TBL1XR1: variants seen among roughly 807,000 people sequenced by gnomAD.
The protein encoded by TBL1XR1 is F-box-like/WD repeat-containing protein TBL1XR1.
A neutral mutation model predicts 66.9 loss-of-function variants in TBL1XR1; 5 were observed. The observed-to-expected ratio is 0.07, with a 90% CI of 0.04 to 0.16. TBL1XR1 has a LOEUF of 0.16. TBL1XR1 is among the 10% of genes least tolerant of loss of function. TBL1XR1 has a pLI of 1.00. For synonymous variants in TBL1XR1, 210 were observed against 206.0 expected, an observed-to-expected ratio of 1.02 and a Z score of -0.17; for missense variants, 238 against 623.2, an observed-to-expected ratio of 0.38 and a Z score of 6.58.
chr3:177,112,107 A>ATATATATATATATAT, intron 1 of TBL1XR1, among the ~76,000 whole-genome samples: 1 of 37,654 alleles, frequency 2.7e-5, no homozygotes, highest in African/African-American at 1.3e-4. Context: ...ATATATATAT[A>ATATATATATATATAT]TTTTTTTTTT....
intron 1 of TBL1XR1, among the ~76,000 whole-genome samples, chr3:177,188,151 C>T (rs957525859): frequency 2.0e-5 from 3 of 151,786 alleles, no homozygotes; most frequent in Non-Finnish European, 4.4e-5. Flanking sequence ...AGGCTGGTCT[C>T]GAACTCCTGA....
chr3:177,190,748 A>G (rs1220034026), intron 1 of TBL1XR1, among the ~76,000 whole-genome samples: 2 of 152,224 alleles, frequency 1.3e-5, no homozygotes, highest in Non-Finnish European at 2.9e-5. Flanking sequence ...ACTCAAAAAG[A>G]AGATGCTGCC....
intron 1 of TBL1XR1, among the ~76,000 whole-genome samples, chr3:177,176,506 T>TA (rs1341049397): frequency 1.3e-5 from 2 of 150,938 alleles, no homozygotes; most frequent in African/African-American, 4.9e-5. Context: ...TCTTAAATGC[T>TA]AATATTATTT....
chr3:177,183,240 T>G (rs996073817), intron 1 of TBL1XR1, among the ~76,000 whole-genome samples: 1 of 152,204 alleles, frequency 6.6e-6, no homozygotes, highest in African/African-American at 2.4e-5. Flanking sequence ...CTAAATTCAC[T>G]GAATAAAATT....
chr3:177,163,283 G>C (rs755909610), intron 1 of TBL1XR1, among the ~76,000 whole-genome samples: 60 of 152,292 alleles, frequency 3.9e-4, no homozygotes, highest in Non-Finnish European at 6.6e-4. Context: ...AAGGCGGGCA[G>C]ATCACTTGAG....
At chr3:177,084,188 T>C (rs979099782) in intron 2 of TBL1XR1, among the ~76,000 whole-genome samples, 1 of 152,060 alleles carries the variant, frequency 6.6e-6, no homozygotes, top group African/African-American at 2.4e-5. Context: ...AACAAACGTA[T>C]GTACCTGAGT....
At chr3:177,145,897 T>C (rs1315413613) in intron 1 of TBL1XR1, among the ~76,000 whole-genome samples, 3 of 152,138 alleles carry the variant, frequency 2.0e-5, no homozygotes, top group Non-Finnish European at 4.4e-5. Context: ...AGTTGCAGGG[T>C]AGTTTTTATC....
Position 177,023,424 on chromosome 3 carries a change from A to C in TBL1XR1, c.*2074T>G, listed in dbSNP as rs1560087988. Reference sequence around the variant, plus strand: ...AATTCAAGTGCCAGATACTCAGCATATTAGGTTTCCTACGTAAGTCACAGG... The same window carrying C: ...AATTCAAGTGCCAGATACTCAGCATCTTAGGTTTCCTACGTAAGTCACAGG... On this transcript the variant is annotated 3_prime_UTR_variant, in exon 16 of 16. Coordinates refer to ENST00000457928, the MANE Select transcript of TBL1XR1 (RefSeq NM_024665.7). 1.3e-5 allele frequency: 2 copies of C among 152,568 alleles called. No individual in the cohort carries two copies. The highest frequency in any genetic ancestry group is 2.9e-5 in the Non-Finnish European group (2 of 67,976). 9.5% of individuals were successfully genotyped at this position (152,568 alleles called of 1,614,324 possible).
chr3:177,056,582 T>C (rs766032631), intron 3 of TBL1XR1, among the ~76,000 whole-genome samples: 41 of 152,316 alleles, frequency 2.7e-4, no homozygotes, highest in African/African-American at 6.0e-4. Context: ...TGCTTAAATG[T>C]TGAATTCAAC....
chr3:177,079,706 T>A (rs1436766451), intron 2 of TBL1XR1: 1 of 149,094 alleles, frequency 6.7e-6, no homozygotes, highest in Non-Finnish European at 1.5e-5. Flanking sequence ...GTCTATATAA[T>A]CAATTAAAAT....
chr3:177,041,386 G>A (rs1253861903), intron 10 of TBL1XR1, among the ~76,000 whole-genome samples: 5 of 152,160 alleles, frequency 3.3e-5, no homozygotes, highest in Admixed American at 2.0e-4. Context: ...TCTGCACCAG[G>A]CTGAGACTGG....
intron 1 of TBL1XR1, among the ~76,000 whole-genome samples, chr3:177,149,302 A>T (rs1730613034): frequency 6.6e-6 from 1 of 152,178 alleles, no homozygotes; most frequent in Admixed American, 6.5e-5. Flanking sequence ...GGTTTCAGGC[A>T]ATGTTCCCAG....
rs117223862 is a variant in TBL1XR1 at position 177,037,021 on chromosome 3, C to T, written c.1122+1077G>A. Among the ~76,000 whole-genome samples, 4 of 152,234 alleles carry T rather than the reference C, an allele frequency of 2.6e-5. No individual in the cohort carries two copies. The East Asian group carries it at 7.7e-4, about 29-fold the overall frequency. The stretch of plus-strand genomic sequence containing the variant: ...TCTGGTGTGCTTAGGTGCGAGACAG[C>T]AGTTTTGCTTTTAGTCATACAACAA... On this transcript the variant is annotated intron_variant, in intron 12 of 15. Transcript: ENST00000457928.
chr3:177,044,187 A>G (rs1716001925), intron 10 of TBL1XR1, among the ~76,000 whole-genome samples: 1 of 152,206 alleles, frequency 6.6e-6, no homozygotes, highest in Admixed American at 6.5e-5. Flanking sequence ...GTTTAATAAC[A>G]TAACTTCATC....
chr3:177,135,307 C>CTGTG (rs376418228), intron 1 of TBL1XR1, among the ~76,000 whole-genome samples: 7,011 of 72,626 alleles, frequency 0.097, 758 homozygotes, highest in African/African-American at 0.14. Flanking sequence ...AGGCCGCACT[C>CTGTG]TGTGTGTGTG....
At position 177,082,738 on chromosome 3, in the gene TBL1XR1, TTATATATATATATATATA is replaced by T. The variant is rs374510003; in HGVS notation, c.-46+15710_-46+15727del. Among the ~76,000 whole-genome samples the T allele has an allele frequency of 4.1e-4, 26 of 63,246 alleles. 2 individuals carry two copies. Among genetic ancestry groups the T allele is most frequent in the Admixed American group, 1.1e-3 (6 of 5,628 alleles). 41.5% of individuals were successfully genotyped at this position (63,246 alleles called of 152,430 possible). A position where few individuals can be genotyped will look rare whatever the true frequency, so the allele number is the denominator to read the frequency against. On this transcript the variant is annotated intron_variant, in intron 2 of 15. Coordinates refer to ENST00000457928, the MANE Select transcript of TBL1XR1 (RefSeq NM_024665.7). ...TATTACTAAATTTCTAAGATAGAGATTATATATATATATATATATATATATATATGAATATGAGACGGA... is the reference window on the plus strand; with the variant it reads ...TATTACTAAATTTCTAAGATAGAGATTATATATATATGAATATGAGACGGA...
intron 14 of TBL1XR1, chr3:177,032,652 G>A (rs1277501797): frequency 1.7e-5 from 3 of 177,494 alleles, no homozygotes; most frequent in South Asian, 3.8e-4. Context: ...TAGCTCCTTC[G>A]GAGACAACTA....
At chr3:177,142,786 A>G (rs1729779008) in intron 1 of TBL1XR1, among the ~76,000 whole-genome samples, 1 of 152,192 alleles carries the variant, frequency 6.6e-6, no homozygotes, top group East Asian at 1.9e-4. Context: ...CAATTCATGG[A>G]TTTCACATTT....
intron 1 of TBL1XR1, among the ~76,000 whole-genome samples, chr3:177,192,262 T>C (rs532178585): frequency 1.3e-5 from 2 of 151,562 alleles, no homozygotes; most frequent in East Asian, 3.9e-4. Context: ...GGCGCATGCC[T>C]ATAATCCCAG....
Sources: gnomAD v4.1 joint callset for allele counts (sites outside exome capture counted in the v4.1 genomes callset) on GRCh38, gnomAD v4.1.1 for gene constraint, MANE v1.5 for transcripts, NCBI Gene and HGNC (gene_info 2026-07-23, HGNC 2026-07-21) for gene names.